Variants in KLHL8 observed in about 807,000 individuals in gnomAD.
KLHL8 encodes the protein kelch-like protein 8.
A neutral mutation model predicts 63.5 loss-of-function variants in KLHL8; 38 were observed. That is an observed-to-expected ratio of 0.60 (90% CI 0.46 to 0.78). The LOEUF is 0.78. KLHL8 is among the 30% of genes least tolerant of loss of function. The pLI is 0.00. For missense variants in KLHL8, 566 were observed against 752.4 expected, an observed-to-expected ratio of 0.75 and a Z score of 2.90; for synonymous variants, 224 against 254.3, an observed-to-expected ratio of 0.88 and a Z score of 1.13.
chr4:87,214,121 C>A (rs535126793), intron 1 of KLHL8, among the ~76,000 whole-genome samples: 3 of 151,488 alleles, frequency 2.0e-5, no homozygotes, highest in Non-Finnish European at 4.4e-5. Flanking sequence ...TTTTTTCCAG[C>A]AAAGAAATAA....
At position 87,211,462 on chromosome 4, in the gene KLHL8, A is replaced by G. The variant is rs183288355; in HGVS notation, c.-152+8956T>C. The stretch of plus-strand genomic sequence containing the variant: ...TCAATAGTTCCTACTCAAAGTATAC[A>G]TGACTTCCAACAAATTACTGCCGTG... On this transcript the variant is annotated intron_variant, in intron 1 of 9. Transcript: ENST00000273963. 4.4e-3 allele frequency among the ~76,000 whole-genome samples: 665 copies of G among 152,330 alleles called. 22 individuals carry two copies. The highest frequency in any genetic ancestry group is 1.2e-3 in the Non-Finnish European group (82 of 68,024).
At chr4:87,216,927 C>T (rs1227530401) in intron 1 of KLHL8, among the ~76,000 whole-genome samples, 1 of 152,126 alleles carries the variant, frequency 6.6e-6, no homozygotes, top group Admixed American at 6.6e-5. Flanking sequence ...AATAGAAGTA[C>T]GTATTATTTT....
At chr4:87,234,907 C>A (rs899437812) in intron 1 of KLHL8, among the ~76,000 whole-genome samples, 5 of 151,770 alleles carry the variant, frequency 3.3e-5, no homozygotes, top group Non-Finnish European at 1.5e-5. Context: ...CTTGTGTCTT[C>A]GTTTTTAACC....
At chr4:87,230,905 G>A (rs1290302710) in intron 1 of KLHL8, among the ~76,000 whole-genome samples, 13 of 152,176 alleles carry the variant, frequency 8.5e-5, no homozygotes, top group Non-Finnish European at 1.8e-4. Flanking sequence ...TTTTTGCATA[G>A]TATTTTTGCA....
At chr4:87,194,422 A>G (rs1439476073) in intron 2 of KLHL8, among the ~76,000 whole-genome samples, 1 of 152,178 alleles carries the variant, frequency 6.6e-6, no homozygotes, top group African/African-American at 2.4e-5. Flanking sequence ...TTATAATCCC[A>G]GCTTTTTGGG....
At chr4:87,186,133 G>T (rs1731244746) in intron 2 of KLHL8, among the ~76,000 whole-genome samples, 1 of 151,964 alleles carries the variant, frequency 6.6e-6, no homozygotes, top group Non-Finnish European at 1.5e-5. Context: ...CTGCCTCCTG[G>T]GTTTAAGCAA....
intron 1 of KLHL8, among the ~76,000 whole-genome samples, chr4:87,230,209 A>G (rs1426227742): frequency 3.9e-5 from 6 of 152,192 alleles, no homozygotes; most frequent in Non-Finnish European, 1.5e-5. Context: ...GTCTTGACAA[A>G]GGAAAACAGC....
intron 1 of KLHL8, among the ~76,000 whole-genome samples, chr4:87,200,804 A>G (rs1386440256): frequency 6.6e-6 from 1 of 152,234 alleles, no homozygotes; most frequent in East Asian, 1.9e-4. Context: ...ATCCAAAAGA[A>G]GTAAGAACAG....
chr4:87,160,178 A>G lies in KLHL8; in HGVS notation c.*3341T>C, dbSNP rs1019109980. 1 of 152,170 alleles carries G rather than the reference A, an allele frequency of 6.6e-6. No individual in the cohort carries two copies. Among genetic ancestry groups the G allele is most frequent in the Non-Finnish European group, 1.5e-5 (1 of 68,000 alleles). 9.4% of individuals were successfully genotyped at this position (152,170 alleles called of 1,614,324 possible). On this transcript the variant is annotated 3_prime_UTR_variant, in exon 10 of 10. Coordinates refer to ENST00000273963, the MANE Select transcript of KLHL8 (RefSeq NM_020803.5). Reference sequence around the variant, plus strand: ...ATGTGACCCCAACTTTTTGATATCCATAGTTGGTGATATATATGACCACTT... The same window carrying G: ...ATGTGACCCCAACTTTTTGATATCCGTAGTTGGTGATATATATGACCACTT...
chr4:87,204,276 G>T (rs751624706), intron 1 of KLHL8, among the ~76,000 whole-genome samples: 1 of 151,624 alleles, frequency 6.6e-6, no homozygotes, highest in African/African-American at 2.4e-5. Context: ...ACATCTATTA[G>T]AATGGCTAAA....
At chr4:87,209,102 C>T (rs375958364) in intron 1 of KLHL8, among the ~76,000 whole-genome samples, 12 of 152,186 alleles carry the variant, frequency 7.9e-5, no homozygotes, top group African/African-American at 1.9e-4. Context: ...ACTCAGTAGA[C>T]GTTAGGACTT....
intron 1 of KLHL8, among the ~76,000 whole-genome samples, chr4:87,215,662 ATT>A (rs1200857621): frequency 2.6e-5 from 4 of 152,222 alleles, no homozygotes; most frequent in African/African-American, 9.6e-5. Flanking sequence ...CCCAGCAATC[ATT>A]ATACAAGGAA....
chr4:87,195,293 C>G, intron 2 of KLHL8, 31 bp downstream of exon 2: 1 of 1,568,496 alleles, frequency 6.4e-7, no homozygotes, highest in Non-Finnish European at 8.7e-7. Flanking sequence ...ACTGAAGAGG[C>G]CTGAGAAAAG....
rs1730272050 is a variant in KLHL8, at chr4:87,163,866, C to T, written c.1739+12G>A. On this transcript the variant is annotated intron_variant, in intron 9 of 9. Coordinates refer to ENST00000273963, the MANE Select transcript of KLHL8 (RefSeq NM_020803.5). The stretch of plus-strand genomic sequence containing the variant: ...AAGATAATATAAAGCACGGAGACAA[C>T]ATGTAAATTACCTATTCAGCACTGG... The T allele has an allele frequency of 1.2e-6, 2 of 1,610,476 alleles. No individual in the cohort carries two copies. The highest frequency in any genetic ancestry group is 1.3e-5 in the African/African-American group (1 of 74,826).
intron 1 of KLHL8, among the ~76,000 whole-genome samples, chr4:87,217,963 C>T (rs1732663034): frequency 1.3e-5 from 2 of 152,128 alleles, no homozygotes; most frequent in African/African-American, 4.8e-5. Context: ...TTCTCTACAA[C>T]TCTCAAAAGT....
At chr4:87,225,405 T>G (rs903415466), upstream of KLHL8, among the ~76,000 whole-genome samples, 1 of 152,204 alleles carries the variant, frequency 6.6e-6, no homozygotes, top group Admixed American at 6.5e-5. Context: ...GTATAGATGC[T>G]TAATAAATAC....
intron 4 of KLHL8, among the ~76,000 whole-genome samples, chr4:87,179,581 C>T (rs765275796): frequency 6.6e-6 from 1 of 151,804 alleles, no homozygotes; most frequent in Non-Finnish European, 1.5e-5. Flanking sequence ...TGGAAACCAG[C>T]CTGGGCAACA....
chr4:87,226,581 C>G (rs150033453), intron 1 of KLHL8, among the ~76,000 whole-genome samples: 1 of 84,678 alleles, frequency 1.2e-5, no homozygotes, highest in Non-Finnish European at 2.2e-5. Context: ...CTCTCTCTCT[C>G]TCTATATATA....
chr4:87,207,473 T>A, intron 1 of KLHL8: 2 of 754,940 alleles, frequency 2.6e-6, no homozygotes, highest in Non-Finnish European at 4.8e-6. Context: ...GACGCCCCCA[T>A]GTTAGTGATG....
Sources: gnomAD v4.1 joint callset for allele counts (sites outside exome capture counted in the v4.1 genomes callset) on GRCh38, gnomAD v4.1.1 for gene constraint, MANE v1.5 for transcripts, NCBI Gene and HGNC (gene_info 2026-07-23, HGNC 2026-07-21) for gene names.